The following RSU1 variants were observed in gnomAD, a reference collection of about 807,000 sequenced individuals.
RSU1 encodes the protein rsu-1.
Under a neutral mutation model 31.1 loss-of-function variants are expected in RSU1, and 26 were observed. The observed-to-expected ratio is 0.84, with a 90% CI of 0.61 to 1.16. RSU1 has a LOEUF of 1.16. RSU1 is among the 50% of genes most tolerant of loss of function. The pLI is 0.00. For synonymous variants in RSU1, 164 were observed against 136.3 expected, an observed-to-expected ratio of 1.20 and a Z score of -1.41; for missense variants, 320 against 339.1, an observed-to-expected ratio of 0.94 and a Z score of 0.44.
chr10:16,790,885 GA>G (rs1482277964), intron 2 of RSU1, among the ~76,000 whole-genome samples: 1 of 152,130 alleles, frequency 6.6e-6, no homozygotes, highest in Admixed American at 6.5e-5. Context: ...TAAGTTTTCT[GA>G]AGCCTCCCAG....
chr10:16,796,666 A>G (rs1422478414), intron 2 of RSU1, among the ~76,000 whole-genome samples: 1 of 152,214 alleles, frequency 6.6e-6, no homozygotes, highest in African/African-American at 2.4e-5. Flanking sequence ...CATACACATT[A>G]TCCTTCATTT....
At chr10:16,725,472 A>G (rs1399860113) in intron 7 of RSU1, among the ~76,000 whole-genome samples, 1 of 152,166 alleles carries the variant, frequency 6.6e-6, no homozygotes, top group East Asian at 1.9e-4. Context: ...TTCAAGTTCA[A>G]ACTTAATTAT....
intron 8 of RSU1, among the ~76,000 whole-genome samples, chr10:16,627,006 G>A (rs1445342370): frequency 6.6e-6 from 1 of 152,230 alleles, no homozygotes; most frequent in Non-Finnish European, 1.5e-5. Flanking sequence ...TTTCTGGCCA[G>A]TAAGAATGTA....
At chr10:16,682,356 TAA>T (rs897795291) in intron 8 of RSU1, among the ~76,000 whole-genome samples, 10 of 152,188 alleles carry the variant, frequency 6.6e-5, no homozygotes, top group African/African-American at 2.4e-4. Flanking sequence ...TAATGTTGAC[TAA>T]ACAGACCCAG....
chr10:16,718,588 C>T (rs538065088), intron 7 of RSU1, among the ~76,000 whole-genome samples: 5 of 151,722 alleles, frequency 3.3e-5, no homozygotes, highest in Admixed American at 6.6e-5. Context: ...GTAAATGGCA[C>T]ATCTTAGGAG....
chr10:16,715,036 T>C (rs1836111329), intron 7 of RSU1, among the ~76,000 whole-genome samples: 1 of 152,164 alleles, frequency 6.6e-6, no homozygotes, highest in Non-Finnish European at 1.5e-5. Context: ...AAGTCTCCAC[T>C]GGGGGAGACT....
At chr10:16,607,469 G>C (rs1348182320) in intron 8 of RSU1, among the ~76,000 whole-genome samples, 1 of 152,344 alleles carries the variant, frequency 6.6e-6, no homozygotes, top group Middle Eastern at 3.4e-3. Flanking sequence ...TTGGAATTCA[G>C]AAGGCTTTGG....
intron 7 of RSU1, among the ~76,000 whole-genome samples, chr10:16,734,305 A>G (rs921307245): frequency 6.6e-6 from 1 of 152,192 alleles, no homozygotes; most frequent in South Asian, 2.1e-4. Context: ...TTCAATACCT[A>G]TAACTTCCTG....
chr10:16,626,131 ATCCTCCCAGGC>A (rs1834155912), intron 8 of RSU1, among the ~76,000 whole-genome samples: 1 of 151,540 alleles, frequency 6.6e-6, no homozygotes, highest in Admixed American at 6.6e-5. Context: ...GTGCAGCCTC[ATCCTCCCAGGC>A]TTAAGTGATC....
chr10:16,780,218 T>C (rs1027278108), intron 3 of RSU1, among the ~76,000 whole-genome samples: 1 of 152,224 alleles, frequency 6.6e-6, no homozygotes, highest in African/African-American at 2.4e-5. Context: ...AAGATGTTTT[T>C]AAAGAAGAGA....
chr10:16,600,030 G>A (rs1258796851), intron 8 of RSU1, among the ~76,000 whole-genome samples: 3 of 151,882 alleles, frequency 2.0e-5, no homozygotes, highest in East Asian at 1.9e-4. Context: ...ATTTGGAGAG[G>A]AGAATTGGGA....
At chr10:16,675,594 T>C (rs928744262) in intron 8 of RSU1, among the ~76,000 whole-genome samples, 4 of 152,168 alleles carry the variant, frequency 2.6e-5, no homozygotes, top group Admixed American at 6.5e-5. Context: ...TTTGGAAATA[T>C]GGGATCACTA....
At chr10:16,632,745 A>ACT (rs1834275674) in intron 8 of RSU1, among the ~76,000 whole-genome samples, 1 of 152,118 alleles carries the variant, frequency 6.6e-6, no homozygotes, top group African/African-American at 2.4e-5. Context: ...TTGAGACCAG[A>ACT]CTGAGCAACA....
chr10:16,620,844 C>CAA (rs11354712), intron 8 of RSU1, among the ~76,000 whole-genome samples: 1 of 130,878 alleles, frequency 7.6e-6, no homozygotes. Flanking sequence ...GACTCCATCT[C>CAA]AAAAAAAAAA....
chr10:16,637,543 T>C (rs1201206588), intron 8 of RSU1, among the ~76,000 whole-genome samples: 1 of 152,054 alleles, frequency 6.6e-6, no homozygotes, highest in Non-Finnish European at 1.5e-5. Context: ...TACTGGAGAA[T>C]CCTTAGGCGG....
intron 8 of RSU1, among the ~76,000 whole-genome samples, chr10:16,652,595 A>G (rs958929161): frequency 1.3e-5 from 2 of 152,182 alleles, no homozygotes; most frequent in Non-Finnish European, 2.9e-5. Flanking sequence ...AAATGTATGT[A>G]AATTACACTT....
At chr10:16,605,104 T>C (rs1232704538) in intron 8 of RSU1, among the ~76,000 whole-genome samples, 1 of 152,154 alleles carries the variant, frequency 6.6e-6, no homozygotes, top group Non-Finnish European at 1.5e-5. Context: ...TGATGTTTAG[T>C]GTAAAATCAT....
chr10:16,775,920 C>T (rs1026617295), intron 3 of RSU1, among the ~76,000 whole-genome samples: 2 of 152,132 alleles, frequency 1.3e-5, no homozygotes, highest in Non-Finnish European at 2.9e-5. Context: ...TGTTAAAATG[C>T]GAACAGCAAG....
chr10:16,789,683 G>A (rs1386912595), intron 2 of RSU1, among the ~76,000 whole-genome samples: 8 of 152,178 alleles, frequency 5.3e-5, no homozygotes, highest in African/African-American at 1.2e-4. Context: ...CCACTGACCC[G>A]CTACTGGTGC....
Sources: allele counts gnomAD v4.1 joint callset (sites outside exome capture counted in the v4.1 genomes callset), GRCh38; gene constraint gnomAD v4.1.1; transcripts MANE v1.5; gene names NCBI Gene and HGNC (gene_info 2026-07-23, HGNC 2026-07-21).